Variants in NCOA1 observed in about 807,000 individuals in gnomAD.
The protein encoded by NCOA1 is Hin-2 protein.
Under a neutral mutation model 150.9 loss-of-function variants are expected in NCOA1, and 35 were observed. That is an observed-to-expected ratio of 0.23 (90% CI 0.18 to 0.31). The LOEUF is 0.31. NCOA1 is among the 10% of genes least tolerant of loss of function. NCOA1 has a pLI of 1.00. For synonymous variants in NCOA1, 590 were observed against 630.0 expected (o/e 0.94, Z 0.95); for missense variants, 1,491 against 1,749.3 (o/e 0.85, Z 2.63).
intron 19 of NCOA1, among the ~76,000 whole-genome samples, chr2:24,749,652 A>C (rs957330119): frequency 6.6e-6 from 1 of 152,228 alleles, no homozygotes; most frequent in Non-Finnish European, 1.5e-5. Context: ...ACAAGACCTA[A>C]AAGAATTAAC....
At chr2:24,688,106 TA>T (rs1672492089) in intron 8 of NCOA1, among the ~76,000 whole-genome samples, 1 of 152,232 alleles carries the variant, frequency 6.6e-6, no homozygotes, top group Non-Finnish European at 1.5e-5. Context: ...ATGGCTGTTA[TA>T]GTATTCCATG....
chr2:24,657,287 A>G (rs890338150), intron 4 of NCOA1, among the ~76,000 whole-genome samples: 4 of 152,208 alleles, frequency 2.6e-5, no homozygotes, highest in African/African-American at 9.6e-5. Context: ...GAGAAGCAAG[A>G]TTAAAGGATC....
intron 2 of NCOA1, among the ~76,000 whole-genome samples, chr2:24,567,866 C>T (rs1048602093): frequency 7.2e-5 from 11 of 152,244 alleles, no homozygotes; most frequent in African/African-American, 2.6e-4. Flanking sequence ...TTCTCCTCCT[C>T]CCCAGTAGCT....
chr2:24,624,635 C>T (rs1051011315), intron 3 of NCOA1, among the ~76,000 whole-genome samples: 1 of 152,298 alleles, frequency 6.6e-6, no homozygotes, highest in South Asian at 2.1e-4. Context: ...TCAAATGCTA[C>T]TGAGTGTTTT....
chr2:24,668,797 A>G (rs922780445), intron 6 of NCOA1, among the ~76,000 whole-genome samples: 1 of 109,550 alleles, frequency 9.1e-6, no homozygotes, highest in African/African-American at 2.7e-5. Flanking sequence ...GAACATTTCC[A>G]TAGGGAAAAA....
intron 17 of NCOA1, among the ~76,000 whole-genome samples, chr2:24,734,801 C>T (rs1180707777): frequency 2.2e-5 from 3 of 138,446 alleles, no homozygotes; most frequent in African/African-American, 7.9e-5. Context: ...AAGACCTTGT[C>T]TCTAAAAAAA....
At chr2:24,626,647 A>G (rs893675273) in intron 3 of NCOA1, among the ~76,000 whole-genome samples, 3 of 152,206 alleles carry the variant, frequency 2.0e-5, no homozygotes, top group Admixed American at 2.0e-4. Flanking sequence ...TTACCTGGAT[A>G]TCTAAATATG....
intron 1 of NCOA1, among the ~76,000 whole-genome samples, chr2:24,500,325 C>G (rs1663407437): frequency 6.6e-6 from 1 of 152,134 alleles, no homozygotes; most frequent in African/African-American, 2.4e-5. Context: ...TCAAGCTGGT[C>G]TTGAACTCCC....
intron 17 of NCOA1, among the ~76,000 whole-genome samples, chr2:24,736,619 GT>G (rs1401123438): frequency 6.6e-6 from 1 of 152,202 alleles, no homozygotes; most frequent in African/African-American, 2.4e-5. Flanking sequence ...AGGACAATAA[GT>G]TTCTTTAAAG....
intron 14 of NCOA1, among the ~76,000 whole-genome samples, chr2:24,717,569 T>G (rs1245429819): frequency 6.6e-6 from 1 of 152,134 alleles, no homozygotes; most frequent in African/African-American, 2.4e-5. Context: ...TCCCCTGTGT[T>G]CATATCATGT....
At chr2:24,639,671 G>A (rs1284173439) in intron 3 of NCOA1, among the ~76,000 whole-genome samples, 2 of 151,414 alleles carry the variant, frequency 1.3e-5, no homozygotes, top group African/African-American at 2.4e-5. Flanking sequence ...GGTGGATCAC[G>A]AGGTCAGGAG....
chr2:24,610,180 A>G (rs1668559073), intron 3 of NCOA1, among the ~76,000 whole-genome samples: 1 of 135,890 alleles, frequency 7.4e-6, no homozygotes, highest in Non-Finnish European at 1.5e-5. Context: ...GCTGGAGTGC[A>G]GTGGCGTGAT....
rs138241448 is a variant in NCOA1, at chr2:24,642,318, AATAT to A, written c.-174-1633_-174-1630del. The stretch of plus-strand genomic sequence containing the variant: ...TGTGTTTACCCATTATATGTATATA[AATAT>A]ATATATATATATATTTTTTAAAATC... On this transcript the variant is annotated intron_variant, in intron 3 of 22. Coordinates refer to ENST00000348332, the MANE Select transcript of NCOA1 (RefSeq NM_003743.5). Among the ~76,000 whole-genome samples, 239 of 146,784 alleles carry A rather than the reference AATAT, an allele frequency of 1.6e-3. 1 individual carries two copies. Among genetic ancestry groups the A allele is most frequent in the African/African-American group, 5.3e-3 (214 of 40,180 alleles).
chr2:24,766,100 A>G (rs1013313189), intron 22 of NCOA1, among the ~76,000 whole-genome samples: 8 of 151,782 alleles, frequency 5.3e-5, no homozygotes, highest in African/African-American at 1.5e-4. Flanking sequence ...GGGTCTCACT[A>G]TGTTGCCCAG....
intron 19 of NCOA1, among the ~76,000 whole-genome samples, chr2:24,750,614 C>T (rs1253400654): frequency 1.3e-5 from 2 of 152,100 alleles, no homozygotes; most frequent in Non-Finnish European, 2.9e-5. Context: ...ATGAAATTTC[C>T]CCCCAAAAAG....
At chr2:24,611,514 A>C (rs1668626386) in intron 3 of NCOA1, among the ~76,000 whole-genome samples, 1 of 151,692 alleles carries the variant, frequency 6.6e-6, no homozygotes, top group Non-Finnish European at 1.5e-5. Context: ...TATTTGAGAA[A>C]CCTCCATACC....
intron 5 of NCOA1, among the ~76,000 whole-genome samples, chr2:24,664,365 A>T (rs1370705588): frequency 1.3e-5 from 2 of 152,164 alleles, no homozygotes; most frequent in Non-Finnish European, 2.9e-5. Flanking sequence ...ATTCTTTTCA[A>T]CTTACTATAT....
At chr2:24,576,149 GTTTTTTTTTTTTT>G (rs1666951086) in intron 2 of NCOA1, among the ~76,000 whole-genome samples, 1 of 94,026 alleles carries the variant, frequency 1.1e-5, no homozygotes, top group East Asian at 2.8e-4. Flanking sequence ...TTTGGCCTTT[GTTTTTTTTTTTTT>G]GTTTTTTGTT....
chr2:24,746,829 C>T (rs900626756), intron 19 of NCOA1, among the ~76,000 whole-genome samples: 7 of 152,020 alleles, frequency 4.6e-5, no homozygotes, highest in Admixed American at 1.3e-4. Flanking sequence ...TGTACAATAC[C>T]AAGAGTGAAC....
Sources: allele counts gnomAD v4.1 joint callset (sites outside exome capture counted in the v4.1 genomes callset), GRCh38; gene constraint gnomAD v4.1.1; transcripts MANE v1.5; gene names NCBI Gene and HGNC (gene_info 2026-07-23, HGNC 2026-07-21).